FNIP1: variants seen among roughly 807,000 people sequenced by gnomAD.
FNIP1 encodes folliculin interacting protein 1.
FNIP1 carries 40 observed loss-of-function variants against 124.5 expected under a neutral mutation model. The observed-to-expected ratio is 0.32, with a 90% CI of 0.25 to 0.42. FNIP1 has a LOEUF of 0.42. FNIP1 is among the 10% of genes least tolerant of loss of function. FNIP1 has a pLI of 1.00. For missense variants in FNIP1, 1,176 were observed against 1,403.7 expected (o/e 0.84, Z 2.59); for synonymous variants, 472 against 470.6 (o/e 1.00, Z -0.04).
At chr5:131,715,191 T>C (rs1043053297) in intron 6 of FNIP1, among the ~76,000 whole-genome samples, 1 of 152,164 alleles carries the variant, frequency 6.6e-6, no homozygotes, top group Non-Finnish European at 1.5e-5. Flanking sequence ...GTTGTTAAAA[T>C]GAATTCCTTT....
chr5:131,713,134 C>T (rs1235638352), intron 6 of FNIP1, among the ~76,000 whole-genome samples: 3 of 152,062 alleles, frequency 2.0e-5, no homozygotes, highest in Non-Finnish European at 2.9e-5. Context: ...CTGCAAGCTC[C>T]GCCTCCCGGG....
intron 11 of FNIP1, among the ~76,000 whole-genome samples, chr5:131,692,586 G>A (rs567087920): frequency 6.6e-6 from 1 of 152,056 alleles, no homozygotes; most frequent in African/African-American, 2.4e-5. Context: ...AAAAGACCCA[G>A]AATAATCAAC....
intron 10 of FNIP1, among the ~76,000 whole-genome samples, chr5:131,702,208 G>A (rs1406296068): frequency 6.6e-6 from 1 of 152,026 alleles, no homozygotes; most frequent in Non-Finnish European, 1.5e-5. Context: ...TTTGAGATAG[G>A]GACTCACTCT....
intron 1 of FNIP1, among the ~76,000 whole-genome samples, chr5:131,758,625 T>G (rs1348302234): frequency 1.3e-5 from 2 of 152,228 alleles, no homozygotes; most frequent in African/African-American, 4.8e-5. Flanking sequence ...CAAGCTATTT[T>G]AAGACTTTAC....
intron 2 of FNIP1, among the ~76,000 whole-genome samples, chr5:131,742,172 T>C (rs1770533170): frequency 6.6e-6 from 1 of 152,192 alleles, no homozygotes; most frequent in African/African-American, 2.4e-5. Flanking sequence ...AATAAAAGTT[T>C]TGGTAAATAG....
intron 3 of FNIP1, among the ~76,000 whole-genome samples, chr5:131,726,760 G>A (rs1187324754): frequency 2.0e-5 from 3 of 152,124 alleles, no homozygotes; most frequent in Admixed American, 6.5e-5. Flanking sequence ...ATGTTAGGGT[G>A]TCAATTTTAG....
intron 1 of FNIP1, among the ~76,000 whole-genome samples, chr5:131,760,689 T>C (rs912242208): frequency 2.0e-5 from 3 of 152,144 alleles, no homozygotes; most frequent in Admixed American, 1.3e-4. Context: ...CATTGTTATT[T>C]CTCACTGAAA....
chr5:131,688,073 C>T (rs1768343528), intron 11 of FNIP1, among the ~76,000 whole-genome samples: 1 of 151,802 alleles, frequency 6.6e-6, no homozygotes, highest in Non-Finnish European at 1.5e-5. Flanking sequence ...AGAAATACTT[C>T]CAAAGGTCAC....
chr5:131,706,386 T>A, intron 9 of FNIP1, 25 bp downstream of exon 9: 1 of 1,596,662 alleles, frequency 6.3e-7, no homozygotes, highest in Non-Finnish European at 8.5e-7. Context: ...CTCAATCTTG[T>A]TCTGTGTTTA....
At chr5:131,654,129 T>G (rs553152014) in intron 15 of FNIP1, among the ~76,000 whole-genome samples, 1 of 152,322 alleles carries the variant, frequency 6.6e-6, no homozygotes, top group East Asian at 1.9e-4. Context: ...CATATATACA[T>G]AGTCATGAAA....
chr5:131,695,026 C>A (rs1006692713), intron 11 of FNIP1, among the ~76,000 whole-genome samples: 4 of 151,998 alleles, frequency 2.6e-5, no homozygotes, highest in Middle Eastern at 3.4e-3. Context: ...ATCACTTGAA[C>A]CCTGGGAGGC....
chr5:131,751,709 A>G (rs1327517542), intron 1 of FNIP1, among the ~76,000 whole-genome samples: 6 of 152,238 alleles, frequency 3.9e-5, no homozygotes, highest in Admixed American at 2.0e-4. Flanking sequence ...TGCATACTAC[A>G]TGGGTGAACC....
chr5:131,674,132 C>T lies in FNIP1; in HGVS notation c.1520-1208G>A, dbSNP rs566253326. ...TGTTGTTCCTCTAGCCAGCACCCCA[C>T]CCCACCAGCTCCCATGTTTGTAAAA... On this transcript the variant is annotated intron_variant, in intron 13 of 17. Coordinates refer to ENST00000510461, the MANE Select transcript of FNIP1 (RefSeq NM_133372.3). Among the ~76,000 whole-genome samples, 18 of 152,270 alleles carry T rather than the reference C, an allele frequency of 1.2e-4. No individual in the cohort carries two copies. In the South Asian group the frequency reaches 3.5e-3, roughly 30 times the overall value.
chr5:131,680,279 GAGA>G (rs1768040254), intron 11 of FNIP1, among the ~76,000 whole-genome samples: 1 of 152,140 alleles, frequency 6.6e-6, no homozygotes, highest in Admixed American at 6.6e-5. Context: ...AGCCAAAAAA[GAGA>G]AGAATTATCT....
intron 8 of FNIP1, among the ~76,000 whole-genome samples, chr5:131,706,936 C>A (rs1769133194): frequency 6.6e-6 from 1 of 152,192 alleles, no homozygotes; most frequent in Admixed American, 6.5e-5. Context: ...ATTTTAAGAA[C>A]AAGCTATTGA....
At chr5:131,752,086 C>A (rs556603704) in intron 1 of FNIP1, among the ~76,000 whole-genome samples, 11 of 152,264 alleles carry the variant, frequency 7.2e-5, no homozygotes, top group African/African-American at 2.2e-4. Context: ...CTCTGTTGCA[C>A]AGGCTGGAGT....
chr5:131,791,878 G>A (rs1281627252), intron 1 of FNIP1, among the ~76,000 whole-genome samples: 4 of 148,788 alleles, frequency 2.7e-5, no homozygotes, highest in Non-Finnish European at 4.4e-5. Flanking sequence ...ATTATGGAAA[G>A]AAAAAAAAAA....
chr5:131,767,427 CAAAAAAAAAAAAAAAAAAA>C (rs139550903), intron 1 of FNIP1, among the ~76,000 whole-genome samples: 1 of 63,992 alleles, frequency 1.6e-5, no homozygotes, highest in African/African-American at 5.0e-5. Flanking sequence ...GATTCTGTCT[CAAAAAAAAAAAAAAAAAAA>C]AAAAAAAAAA....
chr5:131,790,279 T>C (rs1022096274), intron 1 of FNIP1, among the ~76,000 whole-genome samples: 3 of 151,952 alleles, frequency 2.0e-5, no homozygotes, highest in African/African-American at 4.8e-5. Flanking sequence ...TCAGCCTCTA[T>C]ACTGGCCTGG....
Sources: allele counts gnomAD v4.1 joint callset (sites outside exome capture counted in the v4.1 genomes callset), GRCh38; gene constraint gnomAD v4.1.1; transcripts MANE v1.5; gene names NCBI Gene and HGNC (gene_info 2026-07-23, HGNC 2026-07-21).